TRIM49C: variants seen among roughly 807,000 people sequenced by gnomAD.
The protein encoded by TRIM49C is tripartite motif-containing protein 49C.
In TRIM49C, 6 loss-of-function variants were observed where a neutral mutation model predicts 21.4. The ratio of observed to expected loss-of-function variants is 0.28; its 90% confidence interval spans 0.15 to 0.55. The LOEUF (loss-of-function observed/expected upper bound fraction) is 0.55. Ranked by LOEUF, TRIM49C falls within the 20% of genes least tolerant of loss-of-function variation. The pLI, the probability that TRIM49C is intolerant of heterozygous loss-of-function variation, is 0.94. For missense variants in TRIM49C, 161 were observed against 442.4 expected, an observed-to-expected ratio of 0.36 and a Z score of 5.71; for synonymous variants, 57 against 148.1, an observed-to-expected ratio of 0.38 and a Z score of 4.47.
At chr11:90,071,940 A>G in the TRIM49C span, 2 of 419,004 alleles carry the variant, frequency 4.8e-6, 1 homozygote. Flanking sequence ...CACTATCATC[A>G]AACAGACAAA....
At chr11:90,047,099 G>C in the TRIM49C span, among the ~76,000 whole-genome samples, 2 of 123,098 alleles carry the variant, frequency 1.6e-5, 1 homozygote, top group Non-Finnish European at 3.3e-5. Flanking sequence ...TCTTAATCCT[G>C]AGTTCTAGTT....
chr11:90,069,868 G>T, the TRIM49C span, among the ~76,000 whole-genome samples: 2 of 96,796 alleles, frequency 2.1e-5, no homozygotes, highest in Admixed American at 1.2e-4. Context: ...CAGAGCACAA[G>T]CAACACTTTT....
downstream of TRIM49C, among the ~76,000 whole-genome samples, chr11:90,046,012 G>A (rs1419659598): frequency 1.1e-4 from 13 of 121,600 alleles, 5 homozygotes; most frequent in South Asian, 3.1e-4. Flanking sequence ...TTTGTCAAAG[G>A]CCTTTTCTGC....
At chr11:90,053,655 G>T in the TRIM49C span, 3 of 151,624 alleles carry the variant, frequency 2.0e-5, no homozygotes, top group Non-Finnish European at 4.4e-5. Flanking sequence ...CGACCTGTGC[G>T]CCTAGGAGTG....
At chr11:90,071,590 G>A in the TRIM49C span, 495 of 551,740 alleles carry the variant, frequency 9.0e-4, 22 homozygotes, top group African/African-American at 8.5e-3. Context: ...GATTGTGGAG[G>A]TACATTACAA....
At chr11:90,045,091 T>C (rs1289653725), downstream of TRIM49C, among the ~76,000 whole-genome samples, 2 of 130,402 alleles carry the variant, frequency 1.5e-5, no homozygotes, top group Admixed American at 9.3e-5. Context: ...GTTGTAGATA[T>C]GTGGCATTAT....
the TRIM49C span, chr11:90,052,520 T>G: frequency 4.3e-4 from 71 of 166,808 alleles, 12 homozygotes; most frequent in East Asian, 0.011. Flanking sequence ...AGGCAGGCAG[T>G]TTTTGGAGCC....
downstream of TRIM49C, among the ~76,000 whole-genome samples, chr11:90,043,790 T>A (rs184316771): frequency 0.03 from 3,578 of 120,458 alleles, 900 homozygotes; most frequent in Non-Finnish European, 0.042. Context: ...GATTTTTTTT[T>A]ATTATACTTT....
downstream of TRIM49C, among the ~76,000 whole-genome samples, chr11:90,045,084 G>A (rs1950792666): frequency 1.6e-5 from 2 of 128,576 alleles, 1 homozygote; most frequent in Non-Finnish European, 3.3e-5. Flanking sequence ...TCAGATGGTT[G>A]TAGATATGTG....
downstream of TRIM49C, among the ~76,000 whole-genome samples, chr11:90,045,222 T>G (rs933483269): frequency 1.3e-3 from 170 of 129,364 alleles, 24 homozygotes; most frequent in African/African-American, 4.4e-3. Flanking sequence ...TGCCTCCAGC[T>G]TTGTTCTTTT....
chr11:90,055,178 C>A, the TRIM49C span, among the ~76,000 whole-genome samples: 1 of 135,892 alleles, frequency 7.4e-6, no homozygotes, highest in African/African-American at 2.7e-5. Context: ...TGTGTGAAGG[C>A]AGAAGAGAGA....
chr11:90,059,884 G>A, the TRIM49C span, among the ~76,000 whole-genome samples: 2 of 145,660 alleles, frequency 1.4e-5, no homozygotes, highest in African/African-American at 5.2e-5. Context: ...CCCTTCCTTA[G>A]GGAATCTCTC....
At chr11:90,073,070 C>A in the TRIM49C span, 1 of 658,696 alleles carries the variant, frequency 1.5e-6, no homozygotes, top group South Asian at 1.6e-5. Flanking sequence ...CTACTGGGAG[C>A]TGGATGTGGA....
chr11:90,071,668 T>A, the TRIM49C span: 1 of 1,151,372 alleles, frequency 8.7e-7, no homozygotes, highest in Non-Finnish European at 1.2e-6. Context: ...CATCAGAAAC[T>A]TAACCAACTC....
At chr11:90,033,888 G>C (rs1950705149) in intron 2 of TRIM49C, among the ~76,000 whole-genome samples, 2 of 124,472 alleles carry the variant, frequency 1.6e-5, no homozygotes, top group South Asian at 2.9e-4. Context: ...GGAGGTTACA[G>C]TGAGCCGAGA....
chr11:90,035,143 C>G (rs200000074), intron 2 of TRIM49C, 65 bp from the exon 3 acceptor site: 161,463 of 1,574,322 alleles, frequency 0.1, 3,402 homozygotes, highest in African/African-American at 0.21. Context: ...TCACATATCT[C>G]CACATGTTTA....
the TRIM49C span, among the ~76,000 whole-genome samples, chr11:90,056,849 A>G: frequency 6.9e-6 from 1 of 144,498 alleles, no homozygotes; most frequent in Non-Finnish European, 1.5e-5. Flanking sequence ...GAGAAGATGT[A>G]ATAGCAGAGC....
chr11:90,072,409 G>T, the TRIM49C span, among the ~76,000 whole-genome samples: 7 of 148,068 alleles, frequency 4.7e-5, 2 homozygotes, highest in South Asian at 1.1e-3. Context: ...AGATAATTCT[G>T]GCAAGGAATC....
At chr11:90,046,393 T>G (rs1393915267), downstream of TRIM49C, among the ~76,000 whole-genome samples, 2 of 127,154 alleles carry the variant, frequency 1.6e-5, 1 homozygote, top group Non-Finnish European at 3.2e-5. Flanking sequence ...AAGTCAGCTG[T>G]GAATCCATCT....
Sources: allele counts gnomAD v4.1 joint callset (sites outside exome capture counted in the v4.1 genomes callset), GRCh38; gene constraint gnomAD v4.1.1; transcripts MANE v1.5; gene names NCBI Gene and HGNC (gene_info 2026-07-23, HGNC 2026-07-21).